Variants in GSE1 observed in about 807,000 individuals in gnomAD.
GSE1 encodes the protein genetic suppressor element 1.
In GSE1, 32 loss-of-function variants were observed where a neutral mutation model predicts 112.6. The observed-to-expected ratio is 0.28, with a 90% confidence interval of 0.21 to 0.38. The LOEUF (loss-of-function observed/expected upper bound fraction) is 0.38. Ranked by LOEUF, GSE1 falls within the 10% of genes least tolerant of loss-of-function variation. The probability of loss-of-function intolerance (pLI) is 1.00; values close to 1 mark genes in which losing one functional copy is unlikely to be tolerated. For synonymous variants in GSE1, 1,115 were observed against 735.6 expected, an observed-to-expected ratio of 1.52 and a Z score of -8.35; for missense variants, 2,348 against 1,699.2, an observed-to-expected ratio of 1.38 and a Z score of -6.71.
chr16:85,354,523 C>A (rs894874481), intron 1 of GSE1, among the ~76,000 whole-genome samples: 3 of 152,244 alleles, frequency 2.0e-5, no homozygotes, highest in Non-Finnish European at 4.4e-5. Context: ...TACTCACAGT[C>A]CCGCTTCCGG....
At chr16:85,171,504 G>C (rs999198242) in exon 1 of GSE1, 124 of 985,506 alleles carry the variant, frequency 1.3e-4, no homozygotes, top group Non-Finnish European at 1.4e-4. Flanking sequence ...AGTGGCTGCA[G>C]CATGAGGCCC....
At chr16:85,631,584 G>T (rs1416285111) in intron 1 of GSE1, among the ~76,000 whole-genome samples, 1 of 152,054 alleles carries the variant, frequency 6.6e-6, no homozygotes, top group East Asian at 1.9e-4. Flanking sequence ...CCCCCTGCCT[G>T]CTGGGACTGG....
intron 1 of GSE1, among the ~76,000 whole-genome samples, chr16:85,322,764 C>T (rs1360676367): frequency 6.6e-6 from 1 of 152,078 alleles, no homozygotes. Context: ...TACAGACGTC[C>T]ACCACCATGC....
At chr16:85,671,185 GA>G (rs1485060565) in intron 15 of GSE1, 87 bp downstream of exon 15, 1 of 773,874 alleles carries the variant, frequency 1.3e-6, no homozygotes. Flanking sequence ...TTTCAGAGAG[GA>G]AATGTGCTCT....
intron 2 of GSE1, among the ~76,000 whole-genome samples, chr16:85,369,073 C>T (rs943460474): frequency 6.6e-6 from 1 of 152,198 alleles, no homozygotes; most frequent in Non-Finnish European, 1.5e-5. Flanking sequence ...TTCTGGAGGT[C>T]AGAGCCCTGA....
chr16:85,601,205 G>A (rs8049533), intron 1 of GSE1, among the ~76,000 whole-genome samples: 1 of 151,828 alleles, frequency 6.6e-6, no homozygotes, highest in East Asian at 1.9e-4. Flanking sequence ...TAGTGCAGTC[G>A]TGAGGGCCAG....
Position 85,351,341 on chromosome 16 carries a change from A to C in GSE1, c.2284-6122A>C, listed in dbSNP as rs570407895. 3.3e-5 allele frequency among the ~76,000 whole-genome samples: 5 copies of C among 152,348 alleles called. No individual in the cohort carries two copies. In the East Asian group the frequency reaches 9.7e-4, roughly 29 times the overall value. The stretch of plus-strand genomic sequence containing the variant: ...CTTTATTGTTCAAAATACTGGGTTT[A>C]CACACTACAACATGACAAACCTGAA... On this transcript the variant is annotated intron_variant, in intron 1 of 2. Transcript: ENST00000637419.
chr16:85,420,138 G>T (rs1418155163), intron 2 of GSE1, among the ~76,000 whole-genome samples: 1 of 152,096 alleles, frequency 6.6e-6, no homozygotes, highest in Non-Finnish European at 1.5e-5. Context: ...TATAATCCCA[G>T]TGCTTTGGGA....
intron 1 of GSE1, among the ~76,000 whole-genome samples, chr16:85,289,691 G>A (rs1326209194): frequency 6.6e-6 from 1 of 152,186 alleles, no homozygotes; most frequent in Non-Finnish European, 1.5e-5. Flanking sequence ...TGCAGAGGAC[G>A]GGGTAGAGTA....
chr16:85,504,595 T>G (rs2051476353), intron 2 of GSE1, among the ~76,000 whole-genome samples: 1 of 152,144 alleles, frequency 6.6e-6, no homozygotes, highest in African/African-American at 2.4e-5. Context: ...TGCCACATAG[T>G]TAGAATTGGG....
intron 2 of GSE1, among the ~76,000 whole-genome samples, chr16:85,497,352 G>C (rs2033218561): frequency 6.6e-6 from 1 of 152,196 alleles, no homozygotes; most frequent in Non-Finnish European, 1.5e-5. Context: ...TAGCACATGT[G>C]GGACCTGGAG....
intron 2 of GSE1, among the ~76,000 whole-genome samples, chr16:85,436,894 G>A (rs1290686721): frequency 6.6e-6 from 1 of 152,232 alleles, no homozygotes; most frequent in African/African-American, 2.4e-5. Flanking sequence ...CGGGACTGTG[G>A]GGGCGGGCTG....
Position 85,667,150 on chromosome 16 carries a change from C to T in GSE1, c.3130+803C>T, listed in dbSNP as rs559526454. The stretch of plus-strand genomic sequence containing the variant: ...TATACAGTGCTACTGAGATGCCTTT[C>T]GAAACTTCAGAATACCCTCCCTCCC... On this transcript the variant is annotated intron_variant, in intron 13 of 15. Coordinates refer to ENST00000253458, the MANE Select transcript of GSE1 (RefSeq NM_014615.5). Among the ~76,000 whole-genome samples the T allele has an allele frequency of 4.6e-4, 70 of 152,340 alleles. 1 individual carries two copies. Among genetic ancestry groups the T allele is most frequent in the African/African-American group, 4.8e-4 (20 of 41,548 alleles).
chr16:85,396,260 C>T (rs2047963113), intron 2 of GSE1, among the ~76,000 whole-genome samples: 1 of 152,248 alleles, frequency 6.6e-6, no homozygotes, highest in Admixed American at 6.5e-5. Context: ...CACTCAGCCT[C>T]TCCCTGCTGC....
chr16:85,362,946 C>G (rs1168640522), intron 2 of GSE1, among the ~76,000 whole-genome samples: 1 of 151,328 alleles, frequency 6.6e-6, no homozygotes, highest in Non-Finnish European at 1.5e-5. Flanking sequence ...AGCAATTCTC[C>G]CACCTCAGCC....
At chr16:85,315,321 G>A (rs1014016601) in intron 1 of GSE1, among the ~76,000 whole-genome samples, 9 of 152,148 alleles carry the variant, frequency 5.9e-5, no homozygotes, top group Non-Finnish European at 1.2e-4. Context: ...CCTCCTGCAC[G>A]CACATCAGAT....
chr16:85,656,601 G>T lies in GSE1; in HGVS notation c.1248G>T (p.Gly416=). The change falls in exon 7 of 16, where the codon GGG becomes GGT. Residue 416 remains glycine (G), a synonymous_variant. Transcript: ENST00000253458. ...PSFLPVAELH[G]LRGHATEERG... ...TCCTGCCCGTGGCCGAGCTGCATGG[G>T]CTGCGTGGCCATGCCACTGAGGAGC... is the stretch of plus-strand genomic sequence containing the variant. 6.5e-7 allele frequency: 1 copy of T among 1,546,334 alleles called. No individual in the cohort carries two copies. Among genetic ancestry groups the T allele is most frequent in the Non-Finnish European group, 8.7e-7 (1 of 1,145,236 alleles).
At chr16:85,649,787 G>A (rs1248582385) in intron 3 of GSE1, among the ~76,000 whole-genome samples, 1 of 152,186 alleles carries the variant, frequency 6.6e-6, no homozygotes, top group African/African-American at 2.4e-5. Context: ...TGGGGAGGAG[G>A]GGAGAGTCAC....
At chr16:85,429,854 C>T (rs1010134299) in intron 2 of GSE1, among the ~76,000 whole-genome samples, 10 of 152,210 alleles carry the variant, frequency 6.6e-5, no homozygotes, top group African/African-American at 1.4e-4. Context: ...TGGGTCACAG[C>T]GAGCTTACTC....
Sources: allele counts gnomAD v4.1 joint callset (sites outside exome capture counted in the v4.1 genomes callset), GRCh38; gene constraint gnomAD v4.1.1; transcripts MANE v1.5; gene names NCBI Gene and HGNC (gene_info 2026-07-23, HGNC 2026-07-21).